The following MKLN1 variants were observed in gnomAD, a reference collection of about 807,000 sequenced individuals.
The protein encoded by MKLN1 is muskelin.
MKLN1 carries 18 observed loss-of-function variants against 99.0 expected under a neutral mutation model. The observed-to-expected ratio is 0.18, with a 90% CI of 0.13 to 0.27. MKLN1 has a LOEUF of 0.27. MKLN1 is among the 10% of genes least tolerant of loss of function. The pLI is 1.00. For missense variants in MKLN1, 621 were observed against 875.9 expected (o/e 0.71, Z 3.67); for synonymous variants, 288 against 293.2 (o/e 0.98, Z 0.18).
chr7:131,275,354 CGTT>C (rs923359122), intron 3 of MKLN1, among the ~76,000 whole-genome samples: 7 of 140,378 alleles, frequency 5.0e-5, no homozygotes, highest in African/African-American at 1.8e-4. Context: ...TTTTTGTTGT[CGTT>C]GTTGTTGGTT....
rs1491228535 is a variant in MKLN1, at chr7:131,229,535, CAT to C, written c.-179+26562_-179+26563del. 2.3e-3 allele frequency among the ~76,000 whole-genome samples: 187 copies of C among 81,434 alleles called. 4 individuals are homozygous for C. In the Middle Eastern group the frequency reaches 0.03, roughly 13 times the overall value. The allele number at this position is 81,434 out of a possible 152,430, so 53.4% of individuals were successfully genotyped here. ...TAGATGGTCAATGTCTCTTTTCAGA[CAT>C]GTGTGTGTGTGTTGTTGTTGTTGTT... On this transcript the variant is annotated intron_variant, in intron 3 of 7. Transcript: ENST00000416992.
chr7:131,192,097 T>TATATATTATATATATAC (rs1397719421), intron 2 of MKLN1, among the ~76,000 whole-genome samples: 3 of 76,884 alleles, frequency 3.9e-5, no homozygotes, highest in East Asian at 2.6e-4. Context: ...TATATATATA[T>TATATATTATATATATAC]GTATATATAT....
At chr7:131,308,579 TTTTG>T (rs1003221037) in intron 3 of MKLN1, among the ~76,000 whole-genome samples, 3 of 125,688 alleles carry the variant, frequency 2.4e-5, no homozygotes, top group South Asian at 2.5e-4. Context: ...GTTTTTTTTG[TTTTG>T]TTTTTTCTTT....
At position 131,178,279 on chromosome 7, in the gene MKLN1, C is replaced by CTTTTTTTTTTTTT. The variant is rs35412933; in HGVS notation, c.-296-24561_-296-24549dup. ...TTACAGGCGCCTGCCACATGCCCGG[C>CTTTTTTTTTTTTT]TTTTTTTTTTTTTTTTTTTTTTTTT... On this transcript the variant is annotated intron_variant, in intron 2 of 7. Coordinates refer to the MKLN1 transcript ENST00000416992. 1.8e-4 allele frequency among the ~76,000 whole-genome samples: 13 copies of CTTTTTTTTTTTTT among 72,558 alleles called. 1 individual carries two copies. Among genetic ancestry groups the CTTTTTTTTTTTTT allele is most frequent in the Non-Finnish European group, 2.5e-4 (9 of 36,050 alleles). The allele number at this position is 72,558 out of a possible 152,430, so 47.6% of individuals were successfully genotyped here.
intron 16 of MKLN1, among the ~76,000 whole-genome samples, chr7:131,477,397 A>AT (rs1796997192): frequency 6.6e-6 from 1 of 150,784 alleles, no homozygotes; most frequent in East Asian, 2.0e-4. Context: ...AAAAAAAAAA[A>AT]GTCAAAAAAT....
chr7:131,387,134 G>A lies in MKLN1; in HGVS notation c.183G>A (p.Lys61=). ...TCTTTTTTTAGTACTTGATTCTAAA[G>A]CTCGAAAGGCCTGCTATAGTTCAGA... is the stretch of plus-strand genomic sequence containing the variant. ...SNYPPQYLIL[K]LERPAIVQNI... is the part of the protein sequence containing the mutation. The change falls in exon 3 of 18, where the codon AAG becomes AAA. Residue 61 remains lysine (K), a synonymous_variant. Coordinates refer to ENST00000352689, the MANE Select transcript of MKLN1 (RefSeq NM_013255.5). 6.3e-7 allele frequency: 1 copy of A among 1,591,546 alleles called. No individual in the cohort carries two copies. Among genetic ancestry groups the A allele is most frequent in the Non-Finnish European group, 8.5e-7 (1 of 1,171,146 alleles).
chr7:131,425,354 A>G (rs931212720), intron 8 of MKLN1, among the ~76,000 whole-genome samples: 4 of 151,834 alleles, frequency 2.6e-5, no homozygotes, highest in Non-Finnish European at 4.4e-5. Flanking sequence ...CACTGTTACC[A>G]TGAAATCTCT....
chr7:131,398,622 C>A (rs913979320), intron 5 of MKLN1, among the ~76,000 whole-genome samples: 5 of 151,356 alleles, frequency 3.3e-5, no homozygotes, highest in Non-Finnish European at 5.9e-5. Flanking sequence ...ACCTGGGAGG[C>A]GGAGGTTGCA....
chr7:131,301,194 G>T (rs1469136558), intron 3 of MKLN1, among the ~76,000 whole-genome samples: 4 of 152,216 alleles, frequency 2.6e-5, no homozygotes, highest in Non-Finnish European at 4.4e-5. Context: ...GAAGCCAAGG[G>T]AGAGAACTGC....
At chr7:131,450,563 C>T (rs897009166) in intron 12 of MKLN1, among the ~76,000 whole-genome samples, 3 of 152,144 alleles carry the variant, frequency 2.0e-5, no homozygotes, top group Non-Finnish European at 4.4e-5. Context: ...GTTCTCCAGT[C>T]CTAGTCTTGG....
chr7:131,483,305 C>G (rs1473409148), intron 17 of MKLN1, among the ~76,000 whole-genome samples: 1 of 152,102 alleles, frequency 6.6e-6, no homozygotes, highest in Admixed American at 6.5e-5. Context: ...AAACAACTTT[C>G]CTCAATCTCT....
chr7:131,415,936 A>G (rs1795004554), intron 8 of MKLN1, among the ~76,000 whole-genome samples: 1 of 152,072 alleles, frequency 6.6e-6, no homozygotes, highest in Non-Finnish European at 1.5e-5. Flanking sequence ...TATAAGGAAA[A>G]TATTATTAAA....
chr7:131,441,208 C>G (rs902992839), intron 10 of MKLN1, among the ~76,000 whole-genome samples: 4 of 152,134 alleles, frequency 2.6e-5, no homozygotes, highest in Non-Finnish European at 5.9e-5. Context: ...TTGATATTCT[C>G]ACTGGGTCAT....
chr7:131,124,561 G>T (rs1253699565), intron 1 of MKLN1, among the ~76,000 whole-genome samples: 2 of 152,104 alleles, frequency 1.3e-5, no homozygotes, highest in African/African-American at 4.8e-5. Flanking sequence ...CCCCACCATT[G>T]TGCTTCCTTT....
At chr7:131,467,453 C>G (rs1055361934) in intron 15 of MKLN1, among the ~76,000 whole-genome samples, 1 of 151,994 alleles carries the variant, frequency 6.6e-6, no homozygotes. Context: ...ATGAGAATAT[C>G]AGGATAGACT....
intron 12 of MKLN1, among the ~76,000 whole-genome samples, chr7:131,453,237 C>T (rs1374256644): frequency 1.3e-5 from 2 of 152,078 alleles, no homozygotes; most frequent in Non-Finnish European, 2.9e-5. Flanking sequence ...CATGCAAGAA[C>T]ACTAACAACA....
chr7:131,133,830 T>TTTTTTTTTTTTTTTTTTTTG (rs1795604513), intron 1 of MKLN1, among the ~76,000 whole-genome samples: 1 of 118,062 alleles, frequency 8.5e-6, no homozygotes, highest in Non-Finnish European at 1.8e-5. Context: ...GTTTTTTTTT[T>TTTTTTTTTTTTTTTTTTTTG]TTTTTTTTTT....
chr7:131,412,560 T>C (rs1321844567), intron 7 of MKLN1, among the ~76,000 whole-genome samples: 1 of 152,232 alleles, frequency 6.6e-6, no homozygotes, highest in Non-Finnish European at 1.5e-5. Context: ...GTCTTTGAAA[T>C]GTAGATCCTA....
chr7:131,466,953 A>G (rs987816423), intron 15 of MKLN1, among the ~76,000 whole-genome samples: 3 of 152,260 alleles, frequency 2.0e-5, no homozygotes, highest in East Asian at 1.9e-4. Context: ...GCACGCAGGC[A>G]CCCTGAGTCA....
Sources: allele counts gnomAD v4.1 joint callset (sites outside exome capture counted in the v4.1 genomes callset), GRCh38; gene constraint gnomAD v4.1.1; transcripts MANE v1.5; gene names NCBI Gene and HGNC (gene_info 2026-07-23, HGNC 2026-07-21).